The following PLXNA4 variants were observed in gnomAD, a reference collection of about 807,000 sequenced individuals.
PLXNA4 encodes the protein plexin A4.
PLXNA4 carries 44 observed loss-of-function variants against 191.8 expected under a neutral mutation model. That is an observed-to-expected ratio of 0.23 (90% CI 0.18 to 0.29). The LOEUF (loss-of-function observed/expected upper bound fraction) is 0.29. Ranked by LOEUF, PLXNA4 falls within the 10% of genes least tolerant of loss-of-function variation. The probability of loss-of-function intolerance (pLI) is 1.00; values close to 1 mark genes in which losing one functional copy is unlikely to be tolerated. For missense variants in PLXNA4, 1,800 were observed against 2,488.8 expected (o/e 0.72, Z 5.89); for synonymous variants, 1,082 against 1,009.5 (o/e 1.07, Z -1.36).
intron 30 of PLXNA4, among the ~76,000 whole-genome samples, chr7:132,138,471 C>A (rs908170497): frequency 6.6e-6 from 1 of 152,170 alleles, no homozygotes; most frequent in African/African-American, 2.4e-5. Context: ...TCGGAGGATA[C>A]CTCCTCTGGG....
chr7:132,227,665 G>A, intron 6 of PLXNA4, 61 bp from the exon 7 acceptor site: 1 of 1,600,624 alleles, frequency 6.2e-7, no homozygotes, highest in Non-Finnish European at 8.5e-7. Flanking sequence ...GGACAGGTAT[G>A]GAATAAAAAA....
intron 20 of PLXNA4, among the ~76,000 whole-genome samples, chr7:132,178,093 A>G (rs1796537292): frequency 6.6e-6 from 1 of 152,136 alleles, no homozygotes; most frequent in Non-Finnish European, 1.5e-5. Context: ...ATTTCACTTT[A>G]TGGTGGTGTT....
intron 1 of PLXNA4, among the ~76,000 whole-genome samples, chr7:132,549,268 T>C (rs1800447738): frequency 6.6e-6 from 1 of 152,190 alleles, no homozygotes; most frequent in Admixed American, 6.5e-5. Context: ...AAAACTCTGT[T>C]GGGGTCTGGA....
At chr7:132,498,702 A>G (rs934821719) in intron 2 of PLXNA4, among the ~76,000 whole-genome samples, 6 of 152,160 alleles carry the variant, frequency 3.9e-5, no homozygotes, top group African/African-American at 1.4e-4. Context: ...TCTCCCAAGG[A>G]TAAGTGGGGA....
chr7:132,229,431 G>A (rs552414285), intron 5 of PLXNA4, among the ~76,000 whole-genome samples: 1 of 152,164 alleles, frequency 6.6e-6, no homozygotes, highest in African/African-American at 2.4e-5. Context: ...GAATTTCAGG[G>A]AGCAGTATTT....
Position 132,123,405 on chromosome 7 carries a change from T to G in PLXNA4, c.*7074A>C, listed in dbSNP as rs1794688722. 6.6e-6 allele frequency: 1 copy of G among 152,204 alleles called. No homozygotes were observed. Among genetic ancestry groups the G allele is most frequent in the Non-Finnish European group, 1.5e-5 (1 of 68,032 alleles). 9.4% of individuals were successfully genotyped at this position (152,204 alleles called of 1,614,324 possible). Reference sequence around the variant, plus strand: ...CAAATAAGTTTTTTTTGTTCTGAACTGCAAAATAGGAATGCCTTATATTTA... The same window carrying G: ...CAAATAAGTTTTTTTTGTTCTGAACGGCAAAATAGGAATGCCTTATATTTA... On this transcript the variant is annotated 3_prime_UTR_variant, in exon 32 of 32. Coordinates refer to ENST00000321063, the MANE Select transcript of PLXNA4 (RefSeq NM_020911.2).
At chr7:132,160,855 C>T (rs767297126) in intron 24 of PLXNA4, among the ~76,000 whole-genome samples, 2 of 152,208 alleles carry the variant, frequency 1.3e-5, no homozygotes, top group Non-Finnish European at 1.5e-5. Flanking sequence ...GCTCTGGGCA[C>T]CTGCCTTTCA....
chr7:132,386,978 G>A (rs1161378046), intron 3 of PLXNA4, among the ~76,000 whole-genome samples: 1 of 152,230 alleles, frequency 6.6e-6, no homozygotes, highest in Non-Finnish European at 1.5e-5. Context: ...ATTACTAGAA[G>A]AGTGAAACTT....
At chr7:132,298,576 T>C (rs1801192552) in intron 3 of PLXNA4, among the ~76,000 whole-genome samples, 1 of 152,222 alleles carries the variant, frequency 6.6e-6, no homozygotes. Context: ...CTGCCTCAGA[T>C]CAGAGCGTCA....
chr7:132,385,248 G>A, intron 3 of PLXNA4: 2 of 1,614,046 alleles, frequency 1.2e-6, no homozygotes, highest in Admixed American at 3.3e-5. Flanking sequence ...TGTGGGATCG[G>A]GGTCCCGTCT....
intron 3 of PLXNA4, among the ~76,000 whole-genome samples, chr7:132,377,722 T>C (rs916499451): frequency 3.3e-5 from 5 of 152,200 alleles, no homozygotes; most frequent in African/African-American, 1.2e-4. Flanking sequence ...TAGGTTCTGC[T>C]GCCTACTTGC....
intron 3 of PLXNA4, among the ~76,000 whole-genome samples, chr7:132,474,340 C>A (rs1197905208): frequency 1.3e-5 from 2 of 151,816 alleles, no homozygotes; most frequent in Non-Finnish European, 2.9e-5. Context: ...CCTGTAGAGG[C>A]AACGTGAGAT....
intron 3 of PLXNA4, among the ~76,000 whole-genome samples, chr7:132,474,038 G>A (rs893764299): frequency 6.6e-6 from 1 of 150,748 alleles, no homozygotes; most frequent in African/African-American, 2.5e-5. Context: ...AAACAGAAAT[G>A]ACAAAAAACA....
intron 2 of PLXNA4, among the ~76,000 whole-genome samples, chr7:132,625,171 G>C (rs530080861): frequency 7.9e-5 from 12 of 152,212 alleles, no homozygotes; most frequent in Non-Finnish European, 1.5e-4. Context: ...CTCCGACGGG[G>C]TACAGACCGA....
intron 3 of PLXNA4, among the ~76,000 whole-genome samples, chr7:132,417,650 A>T (rs1794704142): frequency 6.8e-6 from 1 of 147,712 alleles, no homozygotes; most frequent in African/African-American, 2.5e-5. Context: ...TGTGAGGGAG[A>T]GAGAGAAGGA....
chr7:132,215,236 C>T (rs1184099919), intron 9 of PLXNA4, among the ~76,000 whole-genome samples: 2 of 152,240 alleles, frequency 1.3e-5, no homozygotes, highest in Non-Finnish European at 2.9e-5. Flanking sequence ...GCTCCCTGAA[C>T]AGCAGCCTCC....
At chr7:132,154,828 G>A (rs549288595) in intron 25 of PLXNA4, among the ~76,000 whole-genome samples, 3 of 152,274 alleles carry the variant, frequency 2.0e-5, no homozygotes, top group South Asian at 4.1e-4. Context: ...CCCGGCAGCC[G>A]GATGCCCTGC....
intron 2 of PLXNA4, among the ~76,000 whole-genome samples, chr7:132,506,889 T>G (rs536993836): frequency 1.6e-4 from 24 of 152,304 alleles, no homozygotes; most frequent in African/African-American, 5.8e-4. Flanking sequence ...ACACAATTTG[T>G]CCCTTCCCAT....
chr7:132,183,917 C>T (rs1328877455), intron 16 of PLXNA4, among the ~76,000 whole-genome samples: 2 of 152,228 alleles, frequency 1.3e-5, no homozygotes, highest in African/African-American at 4.8e-5. Flanking sequence ...TGGTCCCTGT[C>T]GCAGTTACTC....
Sources: allele counts gnomAD v4.1 joint callset (sites outside exome capture counted in the v4.1 genomes callset), GRCh38; gene constraint gnomAD v4.1.1; transcripts MANE v1.5; gene names NCBI Gene and HGNC (gene_info 2026-07-23, HGNC 2026-07-21).